The following NCAM2 variants were observed in gnomAD, a reference collection of about 807,000 sequenced individuals.
NCAM2 encodes N-CAM-2.
A neutral mutation model predicts 98.1 loss-of-function variants in NCAM2; 30 were observed. The observed-to-expected ratio is 0.31, with a 90% CI of 0.23 to 0.41. The LOEUF is 0.41. NCAM2 is among the 10% of genes least tolerant of loss of function. The pLI is 1.00. For synonymous variants in NCAM2, 368 were observed against 342.4 expected, an observed-to-expected ratio of 1.07 and a Z score of -0.83; for missense variants, 867 against 1,005.8, an observed-to-expected ratio of 0.86 and a Z score of 1.87.
chr21:21,191,443 T>C (rs1317788866), intron 1 of NCAM2, among the ~76,000 whole-genome samples: 3 of 152,318 alleles, frequency 2.0e-5, no homozygotes, highest in African/African-American at 7.2e-5. Context: ...TATAGTTAAA[T>C]ATGTATTTCT....
chr21:21,312,830 G>A (rs2074098666), intron 5 of NCAM2, among the ~76,000 whole-genome samples: 1 of 151,770 alleles, frequency 6.6e-6, no homozygotes, highest in South Asian at 2.1e-4. Flanking sequence ...AAATTCAACA[G>A]ATAAACTGAG....
At position 21,057,099 on chromosome 21, in the gene NCAM2, T is replaced by C. The variant is rs115696608; in HGVS notation, c.55+58481T>C. Among the ~76,000 whole-genome samples the C allele has an allele frequency of 8.5e-3, 1,286 of 152,160 alleles. 15 individuals are homozygous for C. Among genetic ancestry groups the C allele is most frequent in the East Asian group, 0.038 (198 of 5,164 alleles). On this transcript the variant is annotated intron_variant, in intron 1 of 17. Transcript: ENST00000400546. Reference sequence around the variant, plus strand: ...GGCTAACCACTATAGTATTGAAAGATTGAAAGAAAGACCTAGGGTGTCTAA... The same window carrying C: ...GGCTAACCACTATAGTATTGAAAGACTGAAAGAAAGACCTAGGGTGTCTAA...
chr21:21,181,679 A>G (rs2068476143), intron 1 of NCAM2, among the ~76,000 whole-genome samples: 1 of 151,600 alleles, frequency 6.6e-6, no homozygotes, highest in South Asian at 2.1e-4. Context: ...CACTTTCAGA[A>G]CTCAGCTTCT....
intron 1 of NCAM2, among the ~76,000 whole-genome samples, chr21:21,021,870 A>G (rs2064444118): frequency 6.6e-6 from 1 of 152,144 alleles, no homozygotes; most frequent in African/African-American, 2.4e-5. Flanking sequence ...ATTTTATTCT[A>G]AGCTTCTTAC....
chr21:21,463,171 C>T (rs181361984), intron 12 of NCAM2, among the ~76,000 whole-genome samples: 1 of 152,176 alleles, frequency 6.6e-6, no homozygotes, highest in Admixed American at 6.6e-5. Flanking sequence ...TGTTCAGAAA[C>T]TCTTGTTTGG....
chr21:21,427,100 C>A (rs769043025), intron 11 of NCAM2, among the ~76,000 whole-genome samples: 1 of 152,010 alleles, frequency 6.6e-6, no homozygotes, highest in Non-Finnish European at 1.5e-5. Context: ...ATGAACTATG[C>A]GTGCTGGGAG....
At chr21:21,148,896 T>C (rs2067366718) in intron 1 of NCAM2, among the ~76,000 whole-genome samples, 1 of 152,192 alleles carries the variant, frequency 6.6e-6, no homozygotes, top group Non-Finnish European at 1.5e-5. Flanking sequence ...ACTAAAATTA[T>C]TTATTTTGCT....
chr21:21,283,302 G>A (rs557282370), intron 2 of NCAM2, among the ~76,000 whole-genome samples: 3 of 152,016 alleles, frequency 2.0e-5, no homozygotes, highest in South Asian at 2.1e-4. Flanking sequence ...TTGACTTCAT[G>A]CATTTCCACA....
chr21:21,229,297 C>G (rs543429841), intron 1 of NCAM2, among the ~76,000 whole-genome samples: 3 of 151,438 alleles, frequency 2.0e-5, no homozygotes, highest in African/African-American at 7.3e-5. Flanking sequence ...CTAGTAAATA[C>G]GAAGTTATAG....
At chr21:21,490,868 A>AT (rs1986794659) in intron 15 of NCAM2, among the ~76,000 whole-genome samples, 1 of 151,862 alleles carries the variant, frequency 6.6e-6, no homozygotes, top group South Asian at 2.1e-4. Context: ...TCAACATAAT[A>AT]TCCAGCACTG....
chr21:21,417,605 A>G (rs577074829), intron 10 of NCAM2, among the ~76,000 whole-genome samples: 2 of 152,216 alleles, frequency 1.3e-5, no homozygotes, highest in Admixed American at 6.5e-5. Context: ...TATTACTATC[A>G]TCAAATCTCT....
intron 15 of NCAM2, among the ~76,000 whole-genome samples, chr21:21,506,813 A>AT (rs1288401474): frequency 4.0e-5 from 6 of 150,158 alleles, no homozygotes; most frequent in Admixed American, 2.6e-4. Flanking sequence ...TTAATACATT[A>AT]TTTTTTTTCA....
chr21:21,442,393 A>G (rs1048356406), intron 12 of NCAM2, among the ~76,000 whole-genome samples: 1 of 152,200 alleles, frequency 6.6e-6, no homozygotes, highest in Non-Finnish European at 1.5e-5. Context: ...TAAACGAAAT[A>G]AAGAAACTGA....
intron 12 of NCAM2, among the ~76,000 whole-genome samples, chr21:21,433,774 A>ATAAAC: frequency 6.7e-6 from 1 of 149,608 alleles, no homozygotes; most frequent in African/African-American, 2.4e-5. Flanking sequence ...ATAAAATAAA[A>ATAAAC]TAAAATAAAA....
At chr21:21,395,426 T>C (rs2076482706) in intron 9 of NCAM2, among the ~76,000 whole-genome samples, 1 of 152,158 alleles carries the variant, frequency 6.6e-6, no homozygotes, top group Admixed American at 6.5e-5. Flanking sequence ...CAAAGGTGGT[T>C]AGGTTTTGAC....
intron 12 of NCAM2, among the ~76,000 whole-genome samples, chr21:21,438,850 C>T (rs958319190): frequency 6.6e-5 from 10 of 151,682 alleles, no homozygotes; most frequent in African/African-American, 2.4e-4. Flanking sequence ...TGGGAAGGTA[C>T]GGAGGGAGAA....
At chr21:21,396,539 T>G (rs1039017157) in intron 9 of NCAM2, among the ~76,000 whole-genome samples, 2 of 152,088 alleles carry the variant, frequency 1.3e-5, no homozygotes. Context: ...ACTCAGCTCA[T>G]GCTATTGGCC....
chr21:21,055,550 A>G (rs762728365), intron 1 of NCAM2, among the ~76,000 whole-genome samples: 2 of 152,042 alleles, frequency 1.3e-5, no homozygotes, highest in Non-Finnish European at 2.9e-5. Flanking sequence ...TTTCTTCTCA[A>G]TCTAACTTCT....
At chr21:21,478,748 G>T (rs1369874222) in intron 15 of NCAM2, among the ~76,000 whole-genome samples, 2 of 152,016 alleles carry the variant, frequency 1.3e-5, no homozygotes, top group Non-Finnish European at 2.9e-5. Context: ...CTTCTGCATT[G>T]ATTATGTCAT....
Sources: allele counts gnomAD v4.1 joint callset (sites outside exome capture counted in the v4.1 genomes callset), GRCh38; gene constraint gnomAD v4.1.1; transcripts MANE v1.5; gene names NCBI Gene and HGNC (gene_info 2026-07-23, HGNC 2026-07-21).